Variants in CACUL1 observed in about 807,000 individuals in gnomAD.
CACUL1 encodes the protein CDK2 associated cullin domain 1.
In CACUL1, 13 loss-of-function variants were observed where a neutral mutation model predicts 45.2. The ratio of observed to expected loss-of-function variants is 0.29; its 90% CI spans 0.19 to 0.46. CACUL1 has a LOEUF of 0.46. Among genes scored for constraint, CACUL1 ranks in the 20% least tolerant of loss-of-function variants. The pLI, the probability that CACUL1 is intolerant of heterozygous loss-of-function variation, is 1.00. For missense variants in CACUL1, 421 were observed against 471.4 expected (o/e 0.89, Z 0.99); for synonymous variants, 197 against 174.2 (o/e 1.13, Z -1.03).
intron 7 of CACUL1, among the ~76,000 whole-genome samples, chr10:118,687,126 G>A (rs899416399): frequency 6.6e-6 from 1 of 152,158 alleles, no homozygotes; most frequent in African/African-American, 2.4e-5. Flanking sequence ...ACCTCACCCT[G>A]TCTGCCATCC....
At position 118,685,888 on chromosome 10, in the gene CACUL1, A is replaced by G. The variant is rs531248935; in HGVS notation, c.*240T>C. ...TGCTTTTTCCTCACAGAATCTGTAG[A>G]TAAACTCATTAAAAGATTGTCCCAT... On this transcript the variant is annotated 3_prime_UTR_variant, in exon 9 of 9. Coordinates refer to ENST00000369151, the MANE Select transcript of CACUL1 (RefSeq NM_153810.5). The G allele has an allele frequency of 4.6e-5, 16 of 346,738 alleles. No individual in the cohort carries two copies. Among genetic ancestry groups the G allele is most frequent in the Admixed American group, 4.5e-4 (10 of 22,252 alleles). The allele number at this position is 346,738 out of a possible 1,614,324, so 21.5% of individuals were successfully genotyped here.
intron 3 of CACUL1, 43 bp from the exon 4 acceptor site, chr10:118,707,630 G>GA: frequency 3.5e-6 from 3 of 863,634 alleles, no homozygotes; most frequent in Non-Finnish European, 5.6e-6. Context: ...GGAAACCAGG[G>GA]AAAGACCTTC....
chr10:118,691,598 C>A (rs578238322), intron 6 of CACUL1, 195 bp from the exon 7 acceptor site: 88 of 486,064 alleles, frequency 1.8e-4, no homozygotes, highest in African/African-American at 1.6e-3. Context: ...CCGGGTGCGG[C>A]GGCTCACACC....
intron 3 of CACUL1, among the ~76,000 whole-genome samples, chr10:118,712,231 T>G (rs1845492740): frequency 6.6e-6 from 1 of 152,248 alleles, no homozygotes; most frequent in Non-Finnish European, 1.5e-5. Flanking sequence ...CCACTCGACC[T>G]GGCAGGCTGC....
intron 1 of CACUL1, among the ~76,000 whole-genome samples, chr10:118,734,221 A>G (rs1845721743): frequency 1.3e-5 from 2 of 152,248 alleles, no homozygotes; most frequent in South Asian, 4.1e-4. Flanking sequence ...TAGAAAATAC[A>G]TAAGCAAAAG....
intron 1 of CACUL1, among the ~76,000 whole-genome samples, chr10:118,751,193 T>G (rs951085652): frequency 6.6e-6 from 1 of 152,178 alleles, no homozygotes; most frequent in Non-Finnish European, 1.5e-5. Context: ...TTGTTAATTT[T>G]AGGCACTGTA....
chr10:118,740,435 C>T (rs773186190), intron 1 of CACUL1, among the ~76,000 whole-genome samples: 7 of 151,946 alleles, frequency 4.6e-5, no homozygotes, highest in Non-Finnish European at 1.0e-4. Flanking sequence ...CATGGCAAAA[C>T]CCCATCTCTA....
rs1845171575 is a variant in CACUL1, at chr10:118,683,276, A to T, written c.*2852T>A. 1 of 151,844 alleles carries T rather than the reference A, an allele frequency of 6.6e-6. No homozygotes were observed. Among genetic ancestry groups the T allele is most frequent in the Admixed American group, 6.6e-5 (1 of 15,200 alleles). 9.4% of individuals were successfully genotyped at this position (151,844 alleles called of 1,614,324 possible). On this transcript the variant is annotated 3_prime_UTR_variant, in exon 9 of 9. Coordinates refer to ENST00000369151, the MANE Select transcript of CACUL1 (RefSeq NM_153810.5). Reference sequence around the variant, plus strand: ...AAATCAGCCATTGACTAACCAGACAACCAGCCTGCATGTACGGTTTTGTAT... The same window carrying T: ...AAATCAGCCATTGACTAACCAGACATCCAGCCTGCATGTACGGTTTTGTAT...
chr10:118,700,708 C>G (rs1424153544), intron 5 of CACUL1, among the ~76,000 whole-genome samples: 1 of 95,648 alleles, frequency 1.0e-5, no homozygotes, highest in Non-Finnish European at 2.0e-5. Context: ...CAGAGCGAGA[C>G]TCCGTCTCAA....
intron 3 of CACUL1, among the ~76,000 whole-genome samples, chr10:118,725,888 A>G (rs906009952): frequency 1.2e-4 from 18 of 152,188 alleles, no homozygotes; most frequent in Admixed American, 1.2e-3. Context: ...ATACTCTTCA[A>G]TCTCCCCAAC....
rs1845182084 is a variant in CACUL1 at position 118,684,056 on chromosome 10, T to G, written c.*2072A>C. On this transcript the variant is annotated 3_prime_UTR_variant, in exon 9 of 9. Transcript: ENST00000369151. ...TGCAAACTTTACTTTGCCCACTTTT[T>G]ATTAATACATACATAGTAAAAAGAA... 6.5e-6 allele frequency: 1 copy of G among 152,680 alleles called. No homozygotes were observed. The highest frequency in any genetic ancestry group is 1.5e-5 in the Non-Finnish European group (1 of 68,050). 9.5% of individuals were successfully genotyped at this position (152,680 alleles called of 1,614,324 possible). A position where few individuals can be genotyped will look rare whatever the true frequency, so the allele number is the denominator to read the frequency against.
chr10:118,729,014 A>G (rs1234350353), intron 3 of CACUL1, among the ~76,000 whole-genome samples: 2 of 152,242 alleles, frequency 1.3e-5, no homozygotes, highest in Admixed American at 6.5e-5. Flanking sequence ...ATTGACAGAA[A>G]AAAATAAAGT....
chr10:118,710,091 T>C (rs747076097), intron 3 of CACUL1, among the ~76,000 whole-genome samples: 4 of 85,356 alleles, frequency 4.7e-5, no homozygotes, highest in Non-Finnish European at 8.6e-5. Flanking sequence ...TTGTTTGGGA[T>C]TTTTTTTTTT....
intron 3 of CACUL1, among the ~76,000 whole-genome samples, chr10:118,712,521 T>C (rs1320780489): frequency 3.3e-5 from 5 of 152,242 alleles, no homozygotes; most frequent in Non-Finnish European, 7.3e-5. Flanking sequence ...CCTGAGTTCT[T>C]GTCCTGTGAC....
chr10:118,698,224 A>G (rs1263097390), intron 5 of CACUL1, among the ~76,000 whole-genome samples: 1 of 151,266 alleles, frequency 6.6e-6, no homozygotes, highest in Non-Finnish European at 1.5e-5. Flanking sequence ...GCTCACTGCA[A>G]CCTCTGACTC....
At chr10:118,753,083 A>T (rs1845912876) in intron 1 of CACUL1, among the ~76,000 whole-genome samples, 1 of 152,186 alleles carries the variant, frequency 6.6e-6, no homozygotes, top group Non-Finnish European at 1.5e-5. Context: ...GAACTCTTCA[A>T]AGGAACTTTA....
intron 1 of CACUL1, 93 bp from the exon 2 acceptor site, chr10:118,730,503 T>TA: frequency 8.1e-7 from 1 of 1,229,288 alleles, no homozygotes; most frequent in South Asian, 1.4e-5. Flanking sequence ...TCCTCTCACT[T>TA]ACTCTTCTGA....
chr10:118,711,562 TA>T (rs1199309849), intron 3 of CACUL1, among the ~76,000 whole-genome samples: 1 of 152,188 alleles, frequency 6.6e-6, no homozygotes, highest in African/African-American at 2.4e-5. Context: ...TTAGAAGTAT[TA>T]CGTGAAAAAA....
chr10:118,721,817 C>CT (rs1845603466), intron 3 of CACUL1, among the ~76,000 whole-genome samples: 1 of 152,074 alleles, frequency 6.6e-6, no homozygotes, highest in Non-Finnish European at 1.5e-5. Context: ...TGAAAATATA[C>CT]TCTCTTTTAG....
Sources: gnomAD v4.1 joint callset for allele counts (sites outside exome capture counted in the v4.1 genomes callset) on GRCh38, gnomAD v4.1.1 for gene constraint, MANE v1.5 for transcripts, NCBI Gene and HGNC (gene_info 2026-07-23, HGNC 2026-07-21) for gene names.